OPA3: variants seen among roughly 807,000 people sequenced by gnomAD.
OPA3 encodes the protein outer mitochondrial membrane lipid metabolism regulator OPA3.
In OPA3, 6 loss-of-function variants were observed where a neutral mutation model predicts 4.0. The observed-to-expected ratio is 1.51, with a 90% CI of 0.83 to 2.99. The LOEUF is 2.99. Among genes scored for constraint, OPA3 ranks in the 30% most tolerant of loss-of-function variants. The pLI is 0.00. For missense variants in OPA3, 235 were observed against 256.2 expected (o/e 0.92, Z 0.56); for synonymous variants, 105 against 117.1 (o/e 0.90, Z 0.67).
At chr19:45,576,547 C>CCA (rs1555735885) in intron 1 of OPA3, among the ~76,000 whole-genome samples, 2,751 of 112,932 alleles carry the variant, frequency 0.024, 85 homozygotes, top group African/African-American at 0.053. Flanking sequence ...CCCCCCCCCC[C>CCA]AAAAAAAAAA....
At chr19:45,545,411 T>C (rs572146541), downstream of OPA3, among the ~76,000 whole-genome samples, 38 of 150,698 alleles carry the variant, frequency 2.5e-4, 1 homozygote, top group Non-Finnish European at 4.7e-4. Context: ...CACACCTCTA[T>C]TCCCAGCTAC....
chr19:45,582,636 T>A (rs1308828858), intron 1 of OPA3, among the ~76,000 whole-genome samples: 6 of 149,336 alleles, frequency 4.0e-5, no homozygotes, highest in Non-Finnish European at 8.9e-5. Context: ...TCACAGGGAG[T>A]CGGAGCTGTC....
At chr19:45,532,332 T>G (rs764985115) in intron 1 of OPA3, among the ~76,000 whole-genome samples, 2 of 152,198 alleles carry the variant, frequency 1.3e-5, no homozygotes, top group Non-Finnish European at 2.9e-5. Context: ...TTCTTTTCAC[T>G]GTAATGAGCC....
At chr19:45,528,644 A>G in exon 2 of OPA3, 1 of 195,208 alleles carries the variant, frequency 5.1e-6, no homozygotes, top group Non-Finnish European at 1.1e-5. Context: ...CAGGTGAGTG[A>G]GGGTGCGGGT....
chr19:45,528,808 T>G (rs976398777), exon 2 of OPA3: 51 of 412,670 alleles, frequency 1.2e-4, no homozygotes, highest in African/African-American at 4.7e-4. Flanking sequence ...AGGGGCGGGG[T>G]GGGATAGGGC....
rs1969264074 is a variant in OPA3, at chr19:45,547,324, G to C, written c.*6190C>G. 3 of 152,206 alleles carry C rather than the reference G, an allele frequency of 2.0e-5. No homozygotes were observed. The allele number at this position is 152,206 out of a possible 1,614,324, so 9.4% of individuals were successfully genotyped here. A position where few individuals can be genotyped will look rare whatever the true frequency, so the allele number is the denominator to read the frequency against. ...AGAGTACGAGAGCCCTAGGATCTCT[G>C]TGCAAATACTCAGCTCTGTCACTGT... On this transcript the variant is annotated 3_prime_UTR_variant, in exon 2 of 2. Coordinates refer to ENST00000263275, the MANE Select transcript of OPA3 (RefSeq NM_025136.4).
At position 45,553,203 on chromosome 19, in the gene OPA3, C is replaced by T; in HGVS notation, c.*311G>A. On this transcript the variant is annotated 3_prime_UTR_variant, in exon 2 of 2. Transcript: ENST00000263275. ...GTAACAATAACACATTGATTCAGCTCAAGACCAGGTTCCATTTTTTCATTT... is the reference window on the plus strand; with the variant it reads ...GTAACAATAACACATTGATTCAGCTTAAGACCAGGTTCCATTTTTTCATTT... The T allele has an allele frequency of 7.3e-7, 1 of 1,361,678 alleles. No homozygotes were observed. The highest frequency in any genetic ancestry group is 1.5e-5 in the African/African-American group (1 of 68,226). The allele number at this position is 1,361,678 out of a possible 1,614,324, so 84.3% of individuals were successfully genotyped here. A position where few individuals can be genotyped will look rare whatever the true frequency, so the allele number is the denominator to read the frequency against.
Position 45,552,056 on chromosome 19 carries a change from A to G in OPA3, c.*1458T>C. On this transcript the variant is annotated 3_prime_UTR_variant, in exon 2 of 2. Transcript: ENST00000263275. Reference sequence around the variant, plus strand: ...TAGGATCAAATTTCCCACCACGGAAAGGGGGGTTGGAGGACATTCACAGAA... The same window carrying G: ...TAGGATCAAATTTCCCACCACGGAAGGGGGGGTTGGAGGACATTCACAGAA... The G allele has an allele frequency of 1.0e-6, 1 of 985,472 alleles. No homozygotes were observed. The highest frequency in any genetic ancestry group is 1.2e-6 in the Non-Finnish European group (1 of 830,022). 61.0% of individuals were successfully genotyped at this position (985,472 alleles called of 1,614,324 possible).
In OPA3 at chr19:45,565,094, C is replaced by G. The variant is rs557381042; in HGVS notation, c.143-11183G>C. 2.6e-5 allele frequency among the ~76,000 whole-genome samples: 4 copies of G among 152,020 alleles called. No individual in the cohort carries two copies. The East Asian group carries it at 7.8e-4, about 29-fold the overall frequency. ...AAAGAAAAAAAAAAAATTAGCTGGG[C>G]GTGGTGGCACACGCCTGTGGTCCCA... On this transcript the variant is annotated intron_variant, in intron 1 of 1. Transcript: ENST00000263275.
Position 45,553,442 on chromosome 19 carries a change from AG to A in OPA3, c.*71del, listed in dbSNP as rs1233942123. The A allele has an allele frequency of 3.7e-6, 6 of 1,603,748 alleles. No homozygotes were observed. The African/African-American group carries it at 5.3e-5, about 14-fold the overall frequency. ...GGTTTCCACTGGGCCAGCGCAGGCA[AG>A]GGTGGTGCGGGAAGAAGGCCACGTT... On this transcript the variant is annotated 3_prime_UTR_variant, in exon 2 of 2. Transcript: ENST00000263275.
intron 1 of OPA3, among the ~76,000 whole-genome samples, chr19:45,577,176 AG>A (rs1969781614): frequency 6.6e-6 from 1 of 152,236 alleles, no homozygotes; most frequent in Non-Finnish European, 1.5e-5. Flanking sequence ...CCTCCCCAAC[AG>A]GGTGCATCAT....
rs566934008 is a variant in OPA3 at position 45,548,208 on chromosome 19, C to A, written c.*5306G>T. On this transcript the variant is annotated 3_prime_UTR_variant, in exon 2 of 2. Coordinates refer to ENST00000263275, the MANE Select transcript of OPA3 (RefSeq NM_025136.4). ...TGGGGGACCCAAGCCTGCCACTCAG[C>A]AACACAGCGACCAGCCCAGGAGTAG... The A allele has an allele frequency of 2.0e-6, 2 of 986,028 alleles. No individual in the cohort carries two copies. The highest frequency in any genetic ancestry group is 1.1e-4 in the East Asian group (1 of 8,816). 61.1% of individuals were successfully genotyped at this position (986,028 alleles called of 1,614,324 possible). A position where few individuals can be genotyped will look rare whatever the true frequency, so the allele number is the denominator to read the frequency against.
chr19:45,546,523 T>C lies in OPA3; in HGVS notation c.*6991A>G. 4.6e-6 allele frequency: 2 copies of C among 437,796 alleles called. No homozygotes were observed. The highest frequency in any genetic ancestry group is 6.0e-6 in the Non-Finnish European group (2 of 331,244). The allele number at this position is 437,796 out of a possible 1,614,324, so 27.1% of individuals were successfully genotyped here. A position where few individuals can be genotyped will look rare whatever the true frequency, so the allele number is the denominator to read the frequency against. ...GCTTTTTTTTTTTTTTGAGACAGGG[T>C]CTCACTTTGTCTCCCAGGTTGAGGT... is the stretch of plus-strand genomic sequence containing the variant. On this transcript the variant is annotated 3_prime_UTR_variant, in exon 2 of 2. Coordinates refer to ENST00000263275, the MANE Select transcript of OPA3 (RefSeq NM_025136.4).
intron 1 of OPA3, among the ~76,000 whole-genome samples, chr19:45,572,277 G>GTATA (rs773297577): frequency 2.6e-5 from 3 of 116,926 alleles, no homozygotes; most frequent in Non-Finnish European, 3.7e-5. Flanking sequence ...AATATATATA[G>GTATA]TATATATATC....
chr19:45,529,459 G>C (rs1363705681), intron 1 of OPA3: 2 of 1,612,994 alleles, frequency 1.2e-6, no homozygotes, highest in Admixed American at 3.3e-5. Flanking sequence ...GTGGTACACT[G>C]CAGGAAAAGA....
Position 45,556,700 on chromosome 19 carries a change from G to C in OPA3, c.143-2789C>G, listed in dbSNP as rs534827346. On this transcript the variant is annotated intron_variant, in intron 1 of 1. Transcript: ENST00000263275. The stretch of plus-strand genomic sequence containing the variant: ...TTCAAAGGGGTGGGGTGGCAGGAAG[G>C]CTTGGGGAGCTCTGCTGGAGCTGGA... Among the ~76,000 whole-genome samples, 29 of 152,316 alleles carry C rather than the reference G, an allele frequency of 1.9e-4. No homozygotes were observed. The East Asian group carries it at 4.8e-3, about 25-fold the overall frequency.
exon 2 of OPA3, chr19:45,529,165 G>A: frequency 6.2e-7 from 1 of 1,609,680 alleles, no homozygotes; most frequent in Non-Finnish European, 8.5e-7. Flanking sequence ...GGCGAGCTGC[G>A]TCGACGTCGC....
intron 1 of OPA3, among the ~76,000 whole-genome samples, chr19:45,572,191 T>C (rs888830372): frequency 6.9e-5 from 10 of 144,866 alleles, no homozygotes; most frequent in Non-Finnish European, 1.5e-4. Flanking sequence ...TGGTCTGATA[T>C]ATATATGAGA....
exon 2 of OPA3, chr19:45,528,837 T>C (rs1355672928): frequency 1.8e-6 from 1 of 552,222 alleles, no homozygotes; most frequent in Non-Finnish European, 3.1e-6. Context: ...TCTTGGAACG[T>C]TCCACCTGCA....
Sources: gnomAD v4.1 joint callset for allele counts (sites outside exome capture counted in the v4.1 genomes callset) on GRCh38, gnomAD v4.1.1 for gene constraint, MANE v1.5 for transcripts, NCBI Gene and HGNC (gene_info 2026-07-23, HGNC 2026-07-21) for gene names.